The following PROX2 variants were observed in gnomAD, a reference collection of about 807,000 sequenced individuals.
PROX2 encodes the protein prospero homeobox 2, also known as prospero homeobox protein 2.
In PROX2, 46 loss-of-function variants were observed where a neutral mutation model predicts 48.9. The observed-to-expected ratio is 0.94, with a 90% CI of 0.74 to 1.20. The LOEUF is 1.20. Among genes scored for constraint, PROX2 ranks in the 50% most tolerant of loss-of-function variants. PROX2 has a pLI of 0.00. For missense variants in PROX2, 663 were observed against 719.4 expected, an observed-to-expected ratio of 0.92 and a Z score of 0.90; for synonymous variants, 260 against 276.6, an observed-to-expected ratio of 0.94 and a Z score of 0.60.
intron 2 of PROX2, among the ~76,000 whole-genome samples, chr14:74,864,261 A>G (rs767098133): frequency 3.3e-5 from 5 of 151,388 alleles, no homozygotes; most frequent in Admixed American, 2.0e-4. Flanking sequence ...TGGGCATAAC[A>G]ATAAAATAAT....
chr14:74,856,641 A>C (rs192132271), intron 5 of PROX2, 160 bp downstream of exon 5: 65 of 611,146 alleles, frequency 1.1e-4, no homozygotes, highest in African/African-American at 2.8e-4. Flanking sequence ...CCAAGTGAAG[A>C]TGTTGAGGCT....
In PROX2 at chr14:74,863,822, A is replaced by C; in HGVS notation, c.13T>G (p.Ser5Ala). 6.7e-7 allele frequency: 1 copy of C among 1,501,760 alleles called. No individual in the cohort carries two copies. Among genetic ancestry groups the C allele is most frequent in the African/African-American group, 1.4e-5 (1 of 71,394 alleles). The allele number at this position is 1,501,760 out of a possible 1,614,324, so 93.0% of individuals were successfully genotyped here. A position where few individuals can be genotyped will look rare whatever the true frequency, so the allele number is the denominator to read the frequency against. The change falls in exon 3 of 6, where the codon TCC (serine) becomes GCC (alanine). Residue 5 changes from serine to alanine, a missense_variant. Coordinates refer to ENST00000556489, the MANE Select transcript of PROX2 (RefSeq NM_001243007.2). Reference protein sequence around the residue: MDPNSILLSPQPQIC... With the variant: MDPNAILLSPQPQIC... ...TGGGGCTGAGGAGAAAGCAAGATGG[A>C]GTTTGGATCCATCCCAGGCACTTGT...
chr14:74,857,017 C>T, intron 4 of PROX2, 22 bp from the exon 5 acceptor site: 1 of 1,607,712 alleles, frequency 6.2e-7, no homozygotes, highest in South Asian at 1.1e-5. Flanking sequence ...AGAGGTCCAT[C>T]CAGTCAGACA....
chr14:74,863,070 C>G lies in PROX2; in HGVS notation c.765G>C (p.Gln255His), dbSNP rs1161514337. 6.2e-7 allele frequency: 1 copy of G among 1,613,834 alleles called. No homozygotes were observed. The highest frequency in any genetic ancestry group is 1.3e-5 in the African/African-American group (1 of 74,908). ...VLLDPPGHLT[Q>H]LGRSFQGQVA... The stretch of plus-strand genomic sequence containing the variant: ...CCTGCCCCTGGAAGCTTCTGCCCAG[C>G]TGAGTCAGGTGGCCTGGTGGATCCA... Residue 255 changes from glutamine (Q) to histidine (H), a missense_variant, in exon 3 of 6, where the codon CAG becomes CAC. Transcript: ENST00000556489.
intron 5 of PROX2, chr14:74,856,575 C>G: frequency 1.8e-6 from 1 of 549,606 alleles, no homozygotes; most frequent in Non-Finnish European, 3.2e-6. Flanking sequence ...AGCCCTCTCA[C>G]TAAGCTTCAG....
chr14:74,861,623 T>TG (rs779362943), intron 3 of PROX2, among the ~76,000 whole-genome samples: 3 of 152,190 alleles, frequency 2.0e-5, no homozygotes, highest in Non-Finnish European at 2.9e-5. Flanking sequence ...GGCCTCCTCA[T>TG]GGGGAGCCTC....
At chr14:74,864,523 C>T (rs2091827305) in intron 2 of PROX2, among the ~76,000 whole-genome samples, 1 of 152,170 alleles carries the variant, frequency 6.6e-6, no homozygotes, top group South Asian at 2.1e-4. Flanking sequence ...CTAAGGGCAA[C>T]AGAATCACCC....
chr14:74,872,132 A>C (rs1883230806), intron 1 of PROX2, among the ~76,000 whole-genome samples: 2 of 152,228 alleles, frequency 1.3e-5, no homozygotes. Flanking sequence ...AAGAGAACCA[A>C]TCAATAAAGC....
Position 74,863,899 on chromosome 14 carries a change from A to T in PROX2, c.-65T>A. The T allele has an allele frequency of 1.4e-6, 2 of 1,428,552 alleles. No individual in the cohort carries two copies. Among genetic ancestry groups the T allele is most frequent in the Non-Finnish European group, 1.8e-6 (2 of 1,099,218 alleles). 88.5% of individuals were successfully genotyped at this position (1,428,552 alleles called of 1,614,324 possible). ...TATTTCCTCAGCTGGAAGTGCACCC[A>T]GAATGCGCTGGGCTTCCTCCTCTGC... On this transcript the variant is annotated 5_prime_UTR_variant, in exon 3 of 6. Coordinates refer to ENST00000556489, the MANE Select transcript of PROX2 (RefSeq NM_001243007.2).
chr14:74,873,982 C>T (rs1883277508), intron 1 of PROX2: 1 of 500,316 alleles, frequency 2.0e-6, no homozygotes, highest in Non-Finnish European at 4.1e-6. Flanking sequence ...TTTGAGTTAA[C>T]AAATATTGAC....
rs1354821196 is a variant in PROX2, at chr14:74,863,724, GTC to G, written c.109_110del (p.Asp37LeufsTer21). Reference protein sequence around the residue: ...RSSSPPELDRDSPFPWSQVPS... With the variant: ...RSSSPPELDRXSPFPWSQVPS... ...GGACCTGACTCCAGGGAAACGGGGA[GTC>G]TCTATCCAGCTCTGGAGGGGATGAG... On this transcript the variant is annotated frameshift_variant, in exon 3 of 6. Coordinates refer to ENST00000556489, the MANE Select transcript of PROX2 (RefSeq NM_001243007.2). LOFTEE classifies it high-confidence loss of function. The G allele has an allele frequency of 6.5e-7, 1 of 1,532,464 alleles. No homozygotes were observed. Among genetic ancestry groups the G allele is most frequent in the Non-Finnish European group, 8.7e-7 (1 of 1,143,648 alleles). 94.9% of individuals were successfully genotyped at this position (1,532,464 alleles called of 1,614,324 possible).
Position 74,875,889 on chromosome 14 carries a change from A to G in PROX2, c.-310+6T>C, listed in dbSNP as rs1883331506. The stretch of plus-strand genomic sequence containing the variant: ...CAAGGTAAATGGAAAGGATGATGTT[A>G]CTCACAGGGAAGAGGTCCTCTGGGA... On this transcript the variant is annotated splice_donor_region_variant and intron_variant, in intron 1 of 5. Transcript: ENST00000556489. 6.6e-6 allele frequency among the ~76,000 whole-genome samples: 1 copy of G among 152,232 alleles called. No individual in the cohort carries two copies. The highest frequency in any genetic ancestry group is 2.4e-5 in the African/African-American group (1 of 41,458).
intron 4 of PROX2, 74 bp from the exon 5 acceptor site, chr14:74,857,069 C>G: frequency 2.3e-6 from 3 of 1,302,254 alleles, no homozygotes; most frequent in Non-Finnish European, 3.3e-6. Context: ...CTGCTTCCAG[C>G]TCAGTATAGG....
In PROX2 at chr14:74,863,662, T is replaced by G. The variant is rs1458099031; in HGVS notation, c.173A>C (p.Asp58Ala). ...GGCCCTCTTTGCCTGGATGTGCTCA[T>G]CACCAAACCATTCGGGGTCTGTAGG... The part of the protein sequence containing the change: ...SSPTDPEWFG[D>A]EHIQAKRARV... Residue 58 changes from aspartate (D) to alanine (A), a missense_variant, in exon 3 of 6, where the codon GAT becomes GCT. Asp to Ala is a moderately radical substitution (Grantham distance 126). Transcript: ENST00000556489. 6.4e-7 allele frequency: 1 copy of G among 1,567,454 alleles called. No homozygotes were observed.
chr14:74,862,472 G>T (rs773302895), intron 3 of PROX2, 58 bp downstream of exon 3: 2 of 1,553,362 alleles, frequency 1.3e-6, no homozygotes, highest in Non-Finnish European at 1.7e-6. Flanking sequence ...GGGATTACAA[G>T]CATGAGCCAC....
At chr14:74,864,715 C>T (rs2091829403) in intron 2 of PROX2, among the ~76,000 whole-genome samples, 1 of 152,050 alleles carries the variant, frequency 6.6e-6, no homozygotes, top group Admixed American at 6.6e-5. Context: ...ATGGCGGGCG[C>T]CTGTTAATCC....
In PROX2 at chr14:74,874,290, A is replaced by G. The variant is rs144426215; in HGVS notation, c.-310+1605T>C. 2.0e-3 allele frequency: 594 copies of G among 303,136 alleles called. 3 individuals carry two copies. The East Asian group carries it at 0.026, about 13-fold the overall frequency. The allele number at this position is 303,136 out of a possible 1,614,324, so 18.8% of individuals were successfully genotyped here. On this transcript the variant is annotated intron_variant, in intron 1 of 5. Coordinates refer to ENST00000556489, the MANE Select transcript of PROX2 (RefSeq NM_001243007.2). ...TTTTTTTGATATGGAGTCTTGCTCT[A>G]TTGCCAGGCTGGAGTGCAGTGGCGT...
chr14:74,859,107 A>G (rs1363605997), intron 3 of PROX2: 2 of 152,122 alleles, frequency 1.3e-5, no homozygotes, highest in Non-Finnish European at 2.9e-5. Context: ...ACCAGCTCAT[A>G]TTTTGCTCTT....
intron 2 of PROX2, among the ~76,000 whole-genome samples, chr14:74,868,228 A>G (rs766370798): frequency 3.7e-4 from 56 of 150,508 alleles, no homozygotes; most frequent in Non-Finnish European, 6.5e-4. Flanking sequence ...TGCCACTCCC[A>G]GAGAAAATCA....
Sources: gnomAD v4.1 joint callset for allele counts (sites outside exome capture counted in the v4.1 genomes callset) on GRCh38, gnomAD v4.1.1 for gene constraint, MANE v1.5 for transcripts, NCBI Gene and HGNC (gene_info 2026-07-23, HGNC 2026-07-21) for gene names.